Variants in SYNM observed in about 807,000 individuals in gnomAD.
The protein encoded by SYNM is desmuslin.
In SYNM, 95 loss-of-function variants were observed where a neutral mutation model predicts 104.0. The ratio of observed to expected loss-of-function variants is 0.91; its 90% CI spans 0.77 to 1.08. SYNM has a LOEUF of 1.08. Ranked by LOEUF, SYNM falls within the 50% of genes least tolerant of loss-of-function variation. The pLI is 0.00. For synonymous variants in SYNM, 918 were observed against 869.0 expected (o/e 1.06, Z -0.99); for missense variants, 2,150 against 2,052.2 (o/e 1.05, Z -0.92).
rs1406869936 is a variant in SYNM, at chr15:99,134,849, C to G, written c.*1791C>G. ...GCAAGTTTAAACCTTTGTTGTCCAT[C>G]TGCCAAATGAACTAGTGATTGTCAG... On this transcript the variant is annotated 3_prime_UTR_variant, in exon 4 of 4. Transcript: ENST00000336292. 3 of 152,264 alleles carry G rather than the reference C, an allele frequency of 2.0e-5. No individual in the cohort carries two copies. Among genetic ancestry groups the G allele is most frequent in the Non-Finnish European group, 4.4e-5 (3 of 68,052 alleles). The allele number at this position is 152,264 out of a possible 1,614,324, so 9.4% of individuals were successfully genotyped here. A position where few individuals can be genotyped will look rare whatever the true frequency, so the allele number is the denominator to read the frequency against.
chr15:99,139,092 T>C (rs1231224172), downstream of SYNM: 1 of 635,648 alleles, frequency 1.6e-6, no homozygotes, highest in Non-Finnish European at 2.8e-6. Context: ...GAAGACAACA[T>C]CCAGCATATA....
At chr15:99,111,117 G>A (rs1323756570) in intron 1 of SYNM, among the ~76,000 whole-genome samples, 1 of 152,088 alleles carries the variant, frequency 6.6e-6, no homozygotes, top group African/African-American at 2.4e-5. Context: ...GTATTTTGTG[G>A]GTGCAGAACT....
At position 99,131,018 on chromosome 15, in the gene SYNM, G is replaced by C; in HGVS notation, c.2658G>C (p.Lys886Asn). 1 of 1,612,854 alleles carries C rather than the reference G, an allele frequency of 6.2e-7. No homozygotes were observed. Among genetic ancestry groups the C allele is most frequent in the Non-Finnish European group, 8.5e-7 (1 of 1,179,358 alleles). The change falls in exon 4 of 4, where the codon AAG (lysine) becomes AAC (asparagine). Residue 886 changes from lysine to asparagine, a missense_variant. Transcript: ENST00000336292. The surrounding 1 kb of genome is among the most constrained non-coding windows in gnomAD (Gnocchi z 4.3). ...AGAAGGACGGTGCAGTGGGCGAGAAGGTTGTGAAGCCCTTGGATGTCCCAG... is the reference window on the plus strand; with the variant it reads ...AGAAGGACGGTGCAGTGGGCGAGAACGTTGTGAAGCCCTTGGATGTCCCAG... ...RTQKDGAVGE[K>N]VVKPLDVPAP...
intron 2 of SYNM, 39 bp from the exon 3 acceptor site, chr15:99,126,683 C>G: frequency 6.5e-7 from 1 of 1,537,226 alleles, no homozygotes; most frequent in Non-Finnish European, 8.8e-7. Flanking sequence ...CTTACTCTTT[C>G]GTTTCCTAAT....
At chr15:99,116,522 A>G (rs2067350956) in intron 2 of SYNM, among the ~76,000 whole-genome samples, 1 of 143,706 alleles carries the variant, frequency 7.0e-6, no homozygotes, top group Non-Finnish European at 1.5e-5. Context: ...ATTTTGGCCC[A>G]CAGTTGTGCA....
At chr15:99,112,938 C>T (rs1289615300) in intron 1 of SYNM, among the ~76,000 whole-genome samples, 4 of 152,120 alleles carry the variant, frequency 2.6e-5, no homozygotes, top group Admixed American at 6.6e-5. Context: ...CTCGAACTCC[C>T]GACCTCAAGT....
At chr15:99,107,984 T>G (rs2067265689) in intron 1 of SYNM, among the ~76,000 whole-genome samples, 1 of 150,088 alleles carries the variant, frequency 6.7e-6, no homozygotes, top group African/African-American at 2.5e-5. Flanking sequence ...GGTTTTGGTT[T>G]TGGTTTTTTG....
intron 3 of SYNM, among the ~76,000 whole-genome samples, chr15:99,127,553 T>G (rs533552325): frequency 6.6e-6 from 1 of 152,222 alleles, no homozygotes; most frequent in Non-Finnish European, 1.5e-5. Context: ...ATTGTTTCTT[T>G]TAGGCAACTC....
chr15:99,108,399 A>G (rs1487300596), intron 1 of SYNM, among the ~76,000 whole-genome samples: 5 of 152,138 alleles, frequency 3.3e-5, no homozygotes, highest in African/African-American at 7.2e-5. Flanking sequence ...ATTGCATTCC[A>G]GAAGATTCAG....
At position 99,133,254 on chromosome 15, in the gene SYNM, C is replaced by CA. The variant is rs2067532689; in HGVS notation, c.*197dup. The CA allele has an allele frequency of 8.6e-7, 1 of 1,162,252 alleles. No homozygotes were observed. The highest frequency in any genetic ancestry group is 1.6e-5 in the African/African-American group (1 of 64,440). The allele number at this position is 1,162,252 out of a possible 1,614,324, so 72.0% of individuals were successfully genotyped here. On this transcript the variant is annotated 3_prime_UTR_variant, in exon 4 of 4. Coordinates refer to ENST00000336292, the MANE Select transcript of SYNM (RefSeq NM_145728.3). ...TCCAGTTAATTCATGCCTTAAAAGG[C>CA]ACTGCAATTTTATTTTTGAGTTGGG... is the stretch of plus-strand genomic sequence containing the variant.
intron 2 of SYNM, among the ~76,000 whole-genome samples, chr15:99,115,437 TATTTTA>T (rs1360419048): frequency 1.5e-4 from 22 of 150,264 alleles, no homozygotes; most frequent in South Asian, 8.3e-4. Flanking sequence ...TATTATTTTT[TATTTTA>T]ATTTTAATTT....
chr15:99,131,661 G>A lies in SYNM; in HGVS notation c.3301G>A (p.Ala1101Thr). ...GQRTPQGPVS[A>T]TVEVSSPTGF... is the part of the protein sequence containing the mutation. ...GCGCACTCCCCAGGGCCCAGTGTCG[G>A]CCACTGTGGAGGTCAGCAGCCCCAC... is the stretch of plus-strand genomic sequence containing the variant. The change falls in exon 4 of 4, where the codon GCC (alanine) becomes ACC (threonine). Residue 1101 changes from alanine to threonine, a missense_variant. Transcript: ENST00000336292. The surrounding 1 kb of genome is among the most constrained non-coding windows in gnomAD (Gnocchi z 4.3). 3.1e-6 allele frequency: 5 copies of A among 1,612,044 alleles called. No individual in the cohort carries two copies. In the South Asian group the frequency reaches 5.5e-5, roughly 18 times the overall value.
chr15:99,123,364 C>G (rs1555484733), intron 2 of SYNM, among the ~76,000 whole-genome samples: 1 of 148,916 alleles, frequency 6.7e-6, no homozygotes, highest in Non-Finnish European at 1.5e-5. Flanking sequence ...TGGTTGAATA[C>G]TGACCCCAGA....
intron 1 of SYNM, among the ~76,000 whole-genome samples, chr15:99,106,295 C>G (rs536867386): frequency 6.6e-6 from 1 of 152,336 alleles, no homozygotes; most frequent in African/African-American, 2.4e-5. Context: ...TGGGCGCATC[C>G]TGATAGGCCA....
chr15:99,119,666 A>G (rs1398905045), intron 2 of SYNM, among the ~76,000 whole-genome samples: 1 of 152,232 alleles, frequency 6.6e-6, no homozygotes, highest in African/African-American at 2.4e-5. Context: ...AGAGAAGGTG[A>G]TGACTTGGAT....
At position 99,133,545 on chromosome 15, in the gene SYNM, T is replaced by C. The variant is rs2067534818; in HGVS notation, c.*487T>C. The C allele has an allele frequency of 6.2e-6, 1 of 161,200 alleles. No individual in the cohort carries two copies. Among genetic ancestry groups the C allele is most frequent in the Non-Finnish European group, 1.4e-5 (1 of 72,782 alleles). The allele number at this position is 161,200 out of a possible 1,614,324, so 10.0% of individuals were successfully genotyped here. ...AGTCTTTTCAAAAAGAAATGGGAAATAGGCAGACTGTTTATGTTAAAAAAA... is the reference window on the plus strand; with the variant it reads ...AGTCTTTTCAAAAAGAAATGGGAAACAGGCAGACTGTTTATGTTAAAAAAA... On this transcript the variant is annotated 3_prime_UTR_variant, in exon 4 of 4. Coordinates refer to ENST00000336292, the MANE Select transcript of SYNM (RefSeq NM_145728.3).
At chr15:99,126,913 T>C (rs782598795) in intron 3 of SYNM, 121 bp downstream of exon 3, 1 of 789,356 alleles carries the variant, frequency 1.3e-6, no homozygotes, top group Non-Finnish European at 1.9e-6. Context: ...ATAACAGGAG[T>C]TCATCTCTCA....
At chr15:99,110,040 A>T (rs2067287348) in intron 1 of SYNM, among the ~76,000 whole-genome samples, 1 of 152,188 alleles carries the variant, frequency 6.6e-6, no homozygotes, top group African/African-American at 2.4e-5. Context: ...GCAGTAACCC[A>T]GGCAGGAAGT....
intron 2 of SYNM, 102 bp from the exon 3 acceptor site, chr15:99,126,620 G>A: frequency 8.7e-7 from 1 of 1,150,206 alleles, no homozygotes; most frequent in South Asian, 1.5e-5. Flanking sequence ...CCTAAAACAG[G>A]TGACACTATG....
Sources: gnomAD v4.1 joint callset for allele counts (sites outside exome capture counted in the v4.1 genomes callset) on GRCh38, gnomAD v4.1.1 for gene constraint, Gnocchi (gnomAD v3.1) non-coding constraint, MANE v1.5 for transcripts, NCBI Gene and HGNC (gene_info 2026-07-23, HGNC 2026-07-21) for gene names.